The following PPARA variants were observed in gnomAD, a reference collection of about 807,000 sequenced individuals.
The protein encoded by PPARA is peroxisome proliferator activated receptor alpha.
In PPARA, 22 loss-of-function variants were observed where a neutral mutation model predicts 42.2. The observed-to-expected ratio is 0.52, with a 90% confidence interval of 0.37 to 0.74. PPARA has a LOEUF of 0.74. Among genes scored for constraint, PPARA ranks in the 30% least tolerant of loss-of-function variants. PPARA has a pLI of 0.00. For missense variants in PPARA, 465 were observed against 608.2 expected (o/e 0.76, Z 2.48); for synonymous variants, 242 against 239.3 (o/e 1.01, Z -0.10).
rs777245552 is a variant in PPARA at position 46,193,256 on chromosome 22, C to T, written c.-42-5086C>T. ...TAATGTTTGTATTTTTAGTAGGGACCGGGTTTCACCAGGTTGAACAGGCTG... is the reference window on the plus strand; with the variant it reads ...TAATGTTTGTATTTTTAGTAGGGACTGGGTTTCACCAGGTTGAACAGGCTG... On this transcript the variant is annotated intron_variant, in intron 3 of 8. Transcript: ENST00000407236. The surrounding 1 kb of genome is among the most constrained non-coding windows in gnomAD (Gnocchi z 5.3). 6.6e-6 allele frequency among the ~76,000 whole-genome samples: 1 copy of T among 151,976 alleles called. No homozygotes were observed. Among genetic ancestry groups the T allele is most frequent in the Admixed American group, 6.6e-5 (1 of 15,236 alleles).
chr22:46,239,641 A>ACCCCCCCCCCCCCCCCCCCCCCCCCACC lies in PPARA; in HGVS notation c.*4267_*4268insCCCCCCCCCCCCCCCCCCCACCCCCCCC, dbSNP rs1936317836. The ACCCCCCCCCCCCCCCCCCCCCCCCCACC allele has an allele frequency of 7.5e-6, 1 of 133,760 alleles. No homozygotes were observed. The highest frequency in any genetic ancestry group is 7.6e-5 in the Admixed American group (1 of 13,216). 8.3% of individuals were successfully genotyped at this position (133,760 alleles called of 1,614,324 possible). A position where few individuals can be genotyped will look rare whatever the true frequency, so the allele number is the denominator to read the frequency against. ...CGATGGTCCCGGCCTGCAGTGACAAACCCCCCTCCCCGCACCGCCCCCAGC... is the reference window on the plus strand; with the variant it reads ...CGATGGTCCCGGCCTGCAGTGACAAACCCCCCCCCCCCCCCCCCCCCCCCCACCCCCCCCTCCCCGCACCGCCCCCAGC... On this transcript the variant is annotated 3_prime_UTR_variant, in exon 9 of 9. Coordinates refer to ENST00000407236, the MANE Select transcript of PPARA (RefSeq NM_005036.6).
intron 2 of PPARA, among the ~76,000 whole-genome samples, chr22:46,172,318 TAAA>T (rs35328780): frequency 0.014 from 1,726 of 119,558 alleles, 25 homozygotes; most frequent in African/African-American, 0.043. Flanking sequence ...TGCAAGTAAT[TAAA>T]AAAAAAAAAA....
chr22:46,167,164 C>A lies in PPARA; in HGVS notation c.-126-9589C>A, dbSNP rs556490585. Among the ~76,000 whole-genome samples, 2 of 151,912 alleles carry A rather than the reference C, an allele frequency of 1.3e-5. No individual in the cohort carries two copies. The highest frequency in any genetic ancestry group is 4.8e-5 in the African/African-American group (2 of 41,364). On this transcript the variant is annotated intron_variant, in intron 2 of 8. Coordinates refer to ENST00000407236, the MANE Select transcript of PPARA (RefSeq NM_005036.6). The surrounding 1 kb of genome is among the most constrained non-coding windows in gnomAD (Gnocchi z 4.1). ...ATCTTTTCAACAAATGATACCGGAA[C>A]AACTGGATAGCCATATGCAAAAGAA...
intron 5 of PPARA, 46 bp from the exon 6 acceptor site, chr22:46,218,217 T>C (rs1387231648): frequency 6.2e-7 from 1 of 1,611,936 alleles, no homozygotes; most frequent in Admixed American, 1.7e-5. Context: ...TGCGCTGGTT[T>C]CTCAGTGGCC....
rs1482254560 is a variant in PPARA, at chr22:46,196,196, T to C, written c.-42-2146T>C. ...GTTTCAGCGAGAGCATGATACAGACTAACCCAGGAAGAACCGCTGCTTTGT... is the reference window on the plus strand; with the variant it reads ...GTTTCAGCGAGAGCATGATACAGACCAACCCAGGAAGAACCGCTGCTTTGT... On this transcript the variant is annotated intron_variant, in intron 3 of 8. Coordinates refer to ENST00000407236, the MANE Select transcript of PPARA (RefSeq NM_005036.6). This position sits in a 1 kb window ranked among gnomAD's most constrained non-coding sequence, Gnocchi z 5.6. 2.0e-5 allele frequency among the ~76,000 whole-genome samples: 3 copies of C among 152,230 alleles called. No homozygotes were observed. Among genetic ancestry groups the C allele is most frequent in the Non-Finnish European group, 4.4e-5 (3 of 68,040 alleles).
In PPARA at chr22:46,198,372, C is replaced by A. The variant is rs1336855154; in HGVS notation, c.-12C>A. The A allele has an allele frequency of 6.2e-7, 1 of 1,613,386 alleles. No individual in the cohort carries two copies. The highest frequency in any genetic ancestry group is 1.1e-5 in the South Asian group (1 of 91,064). ...TGGAGCTCGGCGGCACAACCAGCAC[C>A]ATCTGGTCGCGATGGTGGACACGGA... On this transcript the variant is annotated 5_prime_UTR_variant, in exon 4 of 9. Transcript: ENST00000407236.
At chr22:46,201,416 G>A (rs914191202) in intron 4 of PPARA, among the ~76,000 whole-genome samples, 1 of 152,162 alleles carries the variant, frequency 6.6e-6, no homozygotes, top group African/African-American at 2.4e-5. Context: ...CTCCTGGCGC[G>A]TTAAGCAGAG....
At chr22:46,172,690 C>G (rs1441401326) in intron 2 of PPARA, among the ~76,000 whole-genome samples, 1 of 152,170 alleles carries the variant, frequency 6.6e-6, no homozygotes, top group Non-Finnish European at 1.5e-5. Flanking sequence ...TAAGCCGTAA[C>G]TTTGTGCGGA....
In PPARA at chr22:46,225,047, C is replaced by T. The variant is rs1056037624; in HGVS notation, c.711+5033C>T. Among the ~76,000 whole-genome samples, 47 of 152,016 alleles carry T rather than the reference C, an allele frequency of 3.1e-4. No individual in the cohort carries two copies. Among genetic ancestry groups the T allele is most frequent in the African/African-American group, 1.1e-3 (45 of 41,402 alleles). ...CAGGAGGCTTGGGTCGGGGTTGGAACCGGCCAGGGTGCACGGAGGAGGCTG... is the reference window on the plus strand; with the variant it reads ...CAGGAGGCTTGGGTCGGGGTTGGAATCGGCCAGGGTGCACGGAGGAGGCTG... On this transcript the variant is annotated intron_variant, in intron 7 of 8. Coordinates refer to ENST00000407236, the MANE Select transcript of PPARA (RefSeq NM_005036.6). The surrounding 1 kb of genome is among the most constrained non-coding windows in gnomAD (Gnocchi z 4.1).
chr22:46,162,185 A>C lies in PPARA; in HGVS notation c.-127+10215A>C, dbSNP rs1197599206. On this transcript the variant is annotated intron_variant, in intron 2 of 8. Coordinates refer to ENST00000407236, the MANE Select transcript of PPARA (RefSeq NM_005036.6). The surrounding 1 kb of genome is among the most constrained non-coding windows in gnomAD (Gnocchi z 6.0). ...TTTCCCTCAGCTACAAGAGGGGTGC[A>C]TGCTAGGGTTTCTCTGGATTGCTGC... is the stretch of plus-strand genomic sequence containing the variant. Among the ~76,000 whole-genome samples, 5 of 152,176 alleles carry C rather than the reference A, an allele frequency of 3.3e-5. No homozygotes were observed. Among genetic ancestry groups the C allele is most frequent in the Non-Finnish European group, 7.4e-5 (5 of 68,012 alleles).
At chr22:46,194,594 C>T (rs1931978733) in intron 3 of PPARA, among the ~76,000 whole-genome samples, 1 of 123,738 alleles carries the variant, frequency 8.1e-6, no homozygotes, top group Non-Finnish European at 1.6e-5. Flanking sequence ...TTTTTTGTGA[C>T]AGAGTCTCGC....
chr22:46,240,089 G>A lies in PPARA; in HGVS notation c.*4709G>A. On this transcript the variant is annotated 3_prime_UTR_variant, in exon 9 of 9. Transcript: ENST00000407236. This position sits in a 1 kb window ranked among gnomAD's most constrained non-coding sequence, Gnocchi z 6.0. ...GGTGGGGGGCTTCCTGGGGCCTGGG[G>A]AAAGCTGGCCACCTTCAACAGCTGG... 1.0e-5 allele frequency: 4 copies of A among 398,880 alleles called. No homozygotes were observed. The highest frequency in any genetic ancestry group is 4.4e-5 in the Admixed American group (1 of 22,728). 24.7% of individuals were successfully genotyped at this position (398,880 alleles called of 1,614,324 possible).
rs1389110586 is a variant in PPARA, at chr22:46,212,695, T to G, written c.209-2478T>G. On this transcript the variant is annotated intron_variant, in intron 4 of 8. Coordinates refer to ENST00000407236, the MANE Select transcript of PPARA (RefSeq NM_005036.6). This position sits in a 1 kb window ranked among gnomAD's most constrained non-coding sequence, Gnocchi z 4.2. The stretch of plus-strand genomic sequence containing the variant: ...AAGGGCATCTTGGTTGCTTCCAATT[T>G]TTGGCAATTAATAAAGCTGGCCATG... Among the ~76,000 whole-genome samples, 1 of 152,136 alleles carries G rather than the reference T, an allele frequency of 6.6e-6. No individual in the cohort carries two copies. Among genetic ancestry groups the G allele is most frequent in the Non-Finnish European group, 1.5e-5 (1 of 68,008 alleles).
chr22:46,228,455 A>C (rs1376821616), intron 7 of PPARA, among the ~76,000 whole-genome samples: 1 of 152,050 alleles, frequency 6.6e-6, no homozygotes, highest in African/African-American at 2.4e-5. Flanking sequence ...AGAATCACTC[A>C]AACCTGGGAG....
In PPARA at chr22:46,150,696, G is replaced by C. The variant is rs1239609767; in HGVS notation, c.-210+44G>C. 1 of 148,306 alleles carries C rather than the reference G, an allele frequency of 6.7e-6. No individual in the cohort carries two copies. The highest frequency in any genetic ancestry group is 1.5e-5 in the Non-Finnish European group (1 of 66,388). 9.2% of individuals were successfully genotyped at this position (148,306 alleles called of 1,614,324 possible). ...GCGGGCGGGCGGGAACGCGCGCGGG[G>C]GTCCGCGGTCCGGGCTTCCCAGGTC... On this transcript the variant is annotated intron_variant, in intron 1 of 8. Transcript: ENST00000407236. This position sits in a 1 kb window ranked among gnomAD's most constrained non-coding sequence, Gnocchi z 7.5.
rs764157654 is a variant in PPARA, at chr22:46,220,117, T to C, written c.711+103T>C. Reference sequence around the variant, plus strand: ...TTGAATGTTGAGAAAATTATATTTATCCCACAGTTAAGCAAAGGACAGCGA... The same window carrying C: ...TTGAATGTTGAGAAAATTATATTTACCCCACAGTTAAGCAAAGGACAGCGA... On this transcript the variant is annotated intron_variant, in intron 7 of 8. Coordinates refer to ENST00000407236, the MANE Select transcript of PPARA (RefSeq NM_005036.6). 19 of 1,335,770 alleles carry C rather than the reference T, an allele frequency of 1.4e-5. No individual in the cohort carries two copies. In the South Asian group the frequency reaches 1.9e-4, roughly 13 times the overall value. The allele number at this position is 1,335,770 out of a possible 1,614,324, so 82.7% of individuals were successfully genotyped here. A position where few individuals can be genotyped will look rare whatever the true frequency, so the allele number is the denominator to read the frequency against.
intron 4 of PPARA, among the ~76,000 whole-genome samples, chr22:46,209,682 T>C (rs1933731379): frequency 6.6e-6 from 1 of 152,208 alleles, no homozygotes; most frequent in South Asian, 2.1e-4. Flanking sequence ...CCCATGTATC[T>C]ATATAACATG....
Position 46,167,661 on chromosome 22 carries a change from G to C in PPARA, c.-126-9092G>C, listed in dbSNP as rs774480767. ...AGAGAGACCGTGTGTTAAAAAAAGA[G>C]TTAAAACTATAAAACCTTCAGAAGA... On this transcript the variant is annotated intron_variant, in intron 2 of 8. Coordinates refer to ENST00000407236, the MANE Select transcript of PPARA (RefSeq NM_005036.6). The surrounding 1 kb of genome is among the most constrained non-coding windows in gnomAD (Gnocchi z 4.1). Among the ~76,000 whole-genome samples the C allele has an allele frequency of 2.0e-5, 3 of 151,942 alleles. No homozygotes were observed. The highest frequency in any genetic ancestry group is 1.3e-4 in the Admixed American group (2 of 15,242).
chr22:46,172,138 G>A (rs576402657), intron 2 of PPARA, among the ~76,000 whole-genome samples: 33 of 152,150 alleles, frequency 2.2e-4, no homozygotes, highest in Non-Finnish European at 3.4e-4. Flanking sequence ...TGCTCGAGAA[G>A]AGCCCATCCC....
Sources: gnomAD v4.1 joint callset for allele counts (sites outside exome capture counted in the v4.1 genomes callset) on GRCh38, gnomAD v4.1.1 for gene constraint, Gnocchi (gnomAD v3.1) non-coding constraint, MANE v1.5 for transcripts, NCBI Gene and HGNC (gene_info 2026-07-23, HGNC 2026-07-21) for gene names.